LITAF: variants seen among roughly 807,000 people sequenced by gnomAD.
LITAF encodes the protein lipopolysaccharide-induced tumor necrosis factor-alpha factor.
Under a neutral mutation model 14.5 loss-of-function variants are expected in LITAF, and 9 were observed. The ratio of observed to expected loss-of-function variants is 0.62; its 90% CI spans 0.37 to 1.08. LITAF has a LOEUF of 1.08. Ranked by LOEUF, LITAF falls within the 50% of genes least tolerant of loss-of-function variation. The pLI, the probability that LITAF is intolerant of heterozygous loss-of-function variation, is 0.01. For synonymous variants in LITAF, 98 were observed against 88.2 expected (o/e 1.11, Z -0.62); for missense variants, 206 against 213.4 (o/e 0.97, Z 0.22).
intron 1 of LITAF, among the ~76,000 whole-genome samples, chr16:11,562,046 G>T (rs2064375286): frequency 6.6e-6 from 1 of 152,042 alleles, no homozygotes; most frequent in South Asian, 2.1e-4. Flanking sequence ...AGCCTCTGGA[G>T]TAGGTGGGAC....
At chr16:11,570,278 A>G (rs2064521694) in intron 1 of LITAF, among the ~76,000 whole-genome samples, 1 of 152,194 alleles carries the variant, frequency 6.6e-6, no homozygotes, top group African/African-American at 2.4e-5. Flanking sequence ...TTGGGTAAGC[A>G]GGTTACTATT....
At chr16:11,624,532 G>C (rs1488563459) in intron 3 of LITAF, among the ~76,000 whole-genome samples, 2 of 152,198 alleles carry the variant, frequency 1.3e-5, no homozygotes, top group African/African-American at 4.8e-5. Flanking sequence ...TACCACAGTG[G>C]GGCATGTGAG....
At chr16:11,584,727 GGT>G (rs1567253593) in intron 1 of LITAF, among the ~76,000 whole-genome samples, 1 of 152,098 alleles carries the variant, frequency 6.6e-6, no homozygotes, top group Non-Finnish European at 1.5e-5. Flanking sequence ...CTTTTTCGCC[GGT>G]GTGTGTTTCT....
chr16:11,608,689 G>A (rs180731260), intron 3 of LITAF, among the ~76,000 whole-genome samples: 3 of 152,300 alleles, frequency 2.0e-5, no homozygotes, highest in South Asian at 2.1e-4. Context: ...GGGGCCAGGC[G>A]CAGTGGCTCA....
intron 2 of LITAF, among the ~76,000 whole-genome samples, chr16:11,554,413 A>G (rs2064236385): frequency 6.6e-6 from 1 of 152,214 alleles, no homozygotes; most frequent in African/African-American, 2.4e-5. Context: ...CTGTGTTGAT[A>G]CAAGAAATGA....
At chr16:11,622,947 A>AAT (rs56677620) in intron 3 of LITAF, among the ~76,000 whole-genome samples, 3,248 of 145,308 alleles carry the variant, frequency 0.022, 52 homozygotes, top group African/African-American at 0.046. Flanking sequence ...TCATATAATG[A>AAT]ATATATATAT....
chr16:11,581,901 TAGAGA>T (rs1264753576), intron 1 of LITAF, among the ~76,000 whole-genome samples: 1 of 151,204 alleles, frequency 6.6e-6, no homozygotes, highest in Non-Finnish European at 1.5e-5. Flanking sequence ...CTCACAGAAG[TAGAGA>T]AAAGAACTGT....
chr16:11,585,737 A>G (rs1233530599), intron 1 of LITAF, among the ~76,000 whole-genome samples: 1 of 152,206 alleles, frequency 6.6e-6, no homozygotes, highest in African/African-American at 2.4e-5. Context: ...GCTGGGCTTC[A>G]GACAGTCTTT....
chr16:11,595,534 C>T (rs990164291), intron 1 of LITAF, among the ~76,000 whole-genome samples: 4 of 152,140 alleles, frequency 2.6e-5, no homozygotes, highest in Admixed American at 6.6e-5. Context: ...TCGAGACCAT[C>T]CTGGCTAACA....
At position 11,549,884 on chromosome 16, in the gene LITAF, T is replaced by G; in HGVS notation, c.378-139A>C. The G allele has an allele frequency of 1.4e-6, 1 of 714,834 alleles. No individual in the cohort carries two copies. Among genetic ancestry groups the G allele is most frequent in the Non-Finnish European group, 2.5e-6 (1 of 400,680 alleles). The allele number at this position is 714,834 out of a possible 1,614,324, so 44.3% of individuals were successfully genotyped here. A position where few individuals can be genotyped will look rare whatever the true frequency, so the allele number is the denominator to read the frequency against. ...TAGGAATTTTGAGATGGGATCATCT[T>G]GGATTATCCAGGCGGACCCCTAAAA... On this transcript the variant is annotated intron_variant, in intron 3 of 3. Coordinates refer to ENST00000622633, the MANE Select transcript of LITAF (RefSeq NM_001136472.2). This position sits in a 1 kb window ranked among gnomAD's most constrained non-coding sequence, Gnocchi z 4.6.
At chr16:11,564,202 G>A (rs1204924632) in intron 1 of LITAF, among the ~76,000 whole-genome samples, 1 of 151,996 alleles carries the variant, frequency 6.6e-6, no homozygotes, top group African/African-American at 2.4e-5. Context: ...GAGCCACCGC[G>A]CCCGGCCTCA....
chr16:11,610,471 G>A (rs1270765416), intron 3 of LITAF, among the ~76,000 whole-genome samples: 1 of 152,162 alleles, frequency 6.6e-6, no homozygotes, highest in African/African-American at 2.4e-5. Flanking sequence ...GGAAGGGAGT[G>A]GAGAGTCCCT....
chr16:11,565,056 T>G, intron 1 of LITAF, among the ~76,000 whole-genome samples: 1 of 146,048 alleles, frequency 6.8e-6, no homozygotes, highest in Non-Finnish European at 1.5e-5. Context: ...CAGGCTGGAG[T>G]ACAGAACTTA....
chr16:11,561,616 C>G (rs1388896475), intron 1 of LITAF: 1 of 152,198 alleles, frequency 6.6e-6, no homozygotes, highest in African/African-American at 2.4e-5. Flanking sequence ...GTAAAAAAGA[C>G]TCATAACCGC....
upstream of LITAF, among the ~76,000 whole-genome samples, chr16:11,590,629 C>G (rs1011587096): frequency 1.0e-4 from 12 of 118,072 alleles, 5 homozygotes; most frequent in African/African-American, 4.8e-4. Flanking sequence ...AATTGAATAA[C>G]TGGGTACTAT....
At chr16:11,594,557 G>GGAGGAAAAGGTTTCC (rs2064870000) in intron 1 of LITAF, among the ~76,000 whole-genome samples, 1 of 152,086 alleles carries the variant, frequency 6.6e-6, no homozygotes, top group Non-Finnish European at 1.5e-5. Flanking sequence ...ACACACACCT[G>GGAGGAAAAGGTTTCC]GAGGAAAAGG....
chr16:11,608,796 C>G (rs759659980), intron 3 of LITAF, among the ~76,000 whole-genome samples: 11 of 152,084 alleles, frequency 7.2e-5, no homozygotes, highest in Non-Finnish European at 1.5e-4. Context: ...AACCCTGTCT[C>G]TACTAAAAAT....
chr16:11,552,464 A>G (rs540397633), intron 3 of LITAF, among the ~76,000 whole-genome samples: 50 of 152,360 alleles, frequency 3.3e-4, no homozygotes, highest in African/African-American at 1.2e-3. Flanking sequence ...CCTATGAAGA[A>G]TTTTAATGTA....
At chr16:11,638,701 C>CAAAAA (rs57170972), upstream of LITAF, among the ~76,000 whole-genome samples, 128 of 75,952 alleles carry the variant, frequency 1.7e-3, 8 homozygotes, top group Middle Eastern at 9.4e-3. Context: ...GACTCTGTCT[C>CAAAAA]AAAAAAAAAA....
Sources: allele counts gnomAD v4.1 joint callset (sites outside exome capture counted in the v4.1 genomes callset), GRCh38; gene constraint gnomAD v4.1.1; non-coding constraint Gnocchi (gnomAD v3.1); transcripts MANE v1.5; gene names NCBI Gene and HGNC (gene_info 2026-07-23, HGNC 2026-07-21).